PIP5K1B: variants seen among roughly 807,000 people sequenced by gnomAD.
PIP5K1B encodes the protein phosphatidylinositol-4-phosphate 5-kinase type 1 beta.
Under a neutral mutation model 67.0 loss-of-function variants are expected in PIP5K1B, and 42 were observed. That is an observed-to-expected ratio of 0.63 (90% CI 0.49 to 0.81). The LOEUF is 0.81. Among genes scored for constraint, PIP5K1B ranks in the 30% least tolerant of loss-of-function variants. The pLI, the probability that PIP5K1B is intolerant of heterozygous loss-of-function variation, is 0.00. For missense variants in PIP5K1B, 459 were observed against 646.3 expected (o/e 0.71, Z 3.14); for synonymous variants, 214 against 231.4 (o/e 0.92, Z 0.68).
At chr9:68,887,745 C>T (rs368252661) in intron 6 of PIP5K1B, among the ~76,000 whole-genome samples, 2 of 152,124 alleles carry the variant, frequency 1.3e-5, no homozygotes, top group African/African-American at 4.8e-5. Flanking sequence ...TTGGCAGAGG[C>T]GGGCAGGCAG....
At chr9:68,924,400 TCA>T (rs1826571343) in intron 12 of PIP5K1B, among the ~76,000 whole-genome samples, 3 of 27,510 alleles carry the variant, frequency 1.1e-4, no homozygotes, top group Non-Finnish European at 6.9e-5. Flanking sequence ...ACACTGCGCC[TCA>T]AAAAAAAAAA....
chr9:68,848,999 C>G (rs946324623), intron 4 of PIP5K1B, among the ~76,000 whole-genome samples: 2 of 152,214 alleles, frequency 1.3e-5, no homozygotes, highest in Admixed American at 6.5e-5. Flanking sequence ...TAGAATCATT[C>G]TTACACAGCA....
At chr9:68,775,491 G>A (rs1401721884) in intron 2 of PIP5K1B, among the ~76,000 whole-genome samples, 1 of 152,178 alleles carries the variant, frequency 6.6e-6, no homozygotes, top group Non-Finnish European at 1.5e-5. Flanking sequence ...TCTGGTAACT[G>A]AGATGGCTAC....
intron 2 of PIP5K1B, among the ~76,000 whole-genome samples, chr9:68,764,244 A>C (rs1001775564): frequency 1.3e-5 from 2 of 151,930 alleles, no homozygotes; most frequent in Non-Finnish European, 1.5e-5. Context: ...CATAGTGTTC[A>C]TCTATTCATT....
chr9:68,723,302 G>A lies in PIP5K1B; in HGVS notation c.-243+17540G>A, dbSNP rs548482050. Among the ~76,000 whole-genome samples the A allele has an allele frequency of 2.1e-4, 32 of 152,212 alleles. 1 individual carries two copies. The East Asian group carries it at 5.8e-3, about 27-fold the overall frequency. On this transcript the variant is annotated intron_variant, in intron 1 of 15. Transcript: ENST00000265382. ...GTGAATAAATGCTGTAGTAAACAGG[G>A]GAGTGCAGATATCTCTTTGATATAC...
At chr9:68,902,242 C>A (rs1825400792) in intron 8 of PIP5K1B, among the ~76,000 whole-genome samples, 1 of 152,192 alleles carries the variant, frequency 6.6e-6, no homozygotes, top group Non-Finnish European at 1.5e-5. Flanking sequence ...CCTAATGGTA[C>A]CCTTTTATAG....
chr9:68,734,823 A>G (rs890429695), intron 1 of PIP5K1B, among the ~76,000 whole-genome samples: 1 of 152,224 alleles, frequency 6.6e-6, no homozygotes, highest in African/African-American at 2.4e-5. Context: ...CCATCATTTG[A>G]TTGTTGTAGG....
chr9:68,875,821 G>A (rs887837078), intron 5 of PIP5K1B, among the ~76,000 whole-genome samples: 2 of 152,170 alleles, frequency 1.3e-5, no homozygotes, highest in African/African-American at 2.4e-5. Flanking sequence ...ATTTAAGAAT[G>A]AGTGGCTTAG....
At chr9:69,002,982 C>CA (rs1349780446) in intron 15 of PIP5K1B, among the ~76,000 whole-genome samples, 1 of 151,982 alleles carries the variant, frequency 6.6e-6, no homozygotes, top group Non-Finnish European at 1.5e-5. Flanking sequence ...AGCTCTGTCT[C>CA]AAAAAATAAT....
chr9:68,779,353 C>G (rs1429938054), intron 2 of PIP5K1B, among the ~76,000 whole-genome samples: 2 of 152,172 alleles, frequency 1.3e-5, no homozygotes, highest in East Asian at 3.8e-4. Flanking sequence ...TTCCCCTAAC[C>G]TAAATAGTTC....
intron 14 of PIP5K1B, among the ~76,000 whole-genome samples, chr9:68,964,836 T>A (rs970914578): frequency 6.6e-6 from 1 of 152,230 alleles, no homozygotes; most frequent in African/African-American, 2.4e-5. Context: ...GGAATTCTCT[T>A]AGCTCCCAAG....
intron 5 of PIP5K1B, among the ~76,000 whole-genome samples, chr9:68,872,126 C>T (rs1823655181): frequency 6.6e-6 from 1 of 152,218 alleles, no homozygotes; most frequent in Non-Finnish European, 1.5e-5. Context: ...GTTGGCAGTT[C>T]TGCCATGGTG....
chr9:68,834,244 C>T (rs1834475054), intron 4 of PIP5K1B, among the ~76,000 whole-genome samples: 1 of 152,224 alleles, frequency 6.6e-6, no homozygotes, highest in Non-Finnish European at 1.5e-5. Context: ...ACGCACCTAA[C>T]TGCGGCCGCA....
At chr9:68,919,816 ACT>A in intron 11 of PIP5K1B, 87 bp downstream of exon 11, 1 of 722,578 alleles carries the variant, frequency 1.4e-6, no homozygotes, top group Non-Finnish European at 2.4e-6. Context: ...GTGTTGCTAG[ACT>A]CTAAGAGGAA....
chr9:68,797,707 G>T (rs1354152919), intron 2 of PIP5K1B, among the ~76,000 whole-genome samples: 1 of 152,168 alleles, frequency 6.6e-6, no homozygotes, highest in African/African-American at 2.4e-5. Flanking sequence ...TTCACAAAGA[G>T]ATTGGAAGAA....
In PIP5K1B at chr9:68,956,150, G is replaced by T. The variant is rs1163982614; in HGVS notation, c.1502+15360G>T. On this transcript the variant is annotated intron_variant, in intron 14 of 15. Coordinates refer to ENST00000265382, the MANE Select transcript of PIP5K1B (RefSeq NM_003558.4). The stretch of plus-strand genomic sequence containing the variant: ...AAATCTATAATTCTTCAACCATTAT[G>T]AATGTACTCTCAAATGCATCGTTTG... Among the ~76,000 whole-genome samples the T allele has an allele frequency of 2.6e-5, 4 of 152,160 alleles. 1 individual carries two copies. The highest frequency in any genetic ancestry group is 4.4e-5 in the Non-Finnish European group (3 of 68,034).
chr9:68,928,829 T>A (rs1393939898), intron 12 of PIP5K1B, among the ~76,000 whole-genome samples: 1 of 152,188 alleles, frequency 6.6e-6, no homozygotes, highest in Non-Finnish European at 1.5e-5. Flanking sequence ...CTTTAGGTCC[T>A]ATGCTATAGG....
chr9:68,838,829 G>A (rs947043446), intron 4 of PIP5K1B, among the ~76,000 whole-genome samples: 6 of 152,166 alleles, frequency 3.9e-5, no homozygotes, highest in Non-Finnish European at 8.8e-5. Context: ...AGCTGACCAT[G>A]GAAAGGCAAT....
chr9:68,952,119 T>C (rs1262020460), intron 14 of PIP5K1B, among the ~76,000 whole-genome samples: 1 of 152,232 alleles, frequency 6.6e-6, no homozygotes, highest in Admixed American at 6.5e-5. Flanking sequence ...TTGTGAATAG[T>C]GTCATATACT....
Sources: gnomAD v4.1 joint callset for allele counts (sites outside exome capture counted in the v4.1 genomes callset) on GRCh38, gnomAD v4.1.1 for gene constraint, MANE v1.5 for transcripts, NCBI Gene and HGNC (gene_info 2026-07-23, HGNC 2026-07-21) for gene names.